MAP3K13: variants seen among roughly 807,000 people sequenced by gnomAD.
MAP3K13 encodes the protein leucine zipper-bearing kinase.
MAP3K13 carries 52 observed loss-of-function variants against 104.0 expected under a neutral mutation model. The observed-to-expected ratio is 0.50, with a 90% CI of 0.40 to 0.63. The LOEUF is 0.63. Among genes scored for constraint, MAP3K13 ranks in the 20% least tolerant of loss-of-function variants. The pLI, the probability that MAP3K13 is intolerant of heterozygous loss-of-function variation, is 0.00. For synonymous variants in MAP3K13, 394 were observed against 442.2 expected, an observed-to-expected ratio of 0.89 and a Z score of 1.37; for missense variants, 914 against 1,218.5, an observed-to-expected ratio of 0.75 and a Z score of 3.72.
intron 2 of MAP3K13, among the ~76,000 whole-genome samples, chr3:185,331,674 A>G (rs950045657): frequency 6.6e-6 from 1 of 152,066 alleles, no homozygotes; most frequent in South Asian, 2.1e-4. Context: ...AACCATAGGA[A>G]TTTTTTGAAT....
rs150660374 is a variant in MAP3K13 at position 185,323,159 on chromosome 3, C to G, written c.-86+37516C>G. The stretch of plus-strand genomic sequence containing the variant: ...CCTGTAGAAACTTTACCCACCTTCT[C>G]CTGATGTTAACATCTTACATAACTA... On this transcript the variant is annotated intron_variant, in intron 2 of 14. Transcript: ENST00000424227. Among the ~76,000 whole-genome samples, 553 of 152,296 alleles carry G rather than the reference C, an allele frequency of 3.6e-3. 3 individuals carry two copies. Among genetic ancestry groups the G allele is most frequent in the African/African-American group, 0.013 (539 of 41,556 alleles).
chr3:185,446,571 G>C (rs1176876618), intron 4 of MAP3K13, among the ~76,000 whole-genome samples: 2 of 152,196 alleles, frequency 1.3e-5, no homozygotes, highest in Non-Finnish European at 2.9e-5. Flanking sequence ...CATCTTCAAG[G>C]CTGGCAGAGA....
chr3:185,465,789 G>T lies in MAP3K13; in HGVS notation c.1431G>T (p.Glu477Asp). ...GTGAACACTATGAGCGGAAGCTTGA[G>T]CGGGCGAATAATTTATACATGGAAT... ...DIREHYERKL[E>D]RANNLYMELS... The change falls in exon 9 of 14, where the codon GAG becomes GAT. Residue 477 changes from glutamate (E) to aspartate (D), a missense_variant. By Grantham distance (45) the Glu-to-Asp change is conservative (BLOSUM62 2). Coordinates refer to ENST00000265026, the MANE Select transcript of MAP3K13 (RefSeq NM_004721.5). 6.2e-7 allele frequency: 1 copy of T among 1,614,156 alleles called. No individual in the cohort carries two copies.
At chr3:185,340,435 A>G (rs1722675880) in intron 2 of MAP3K13, among the ~76,000 whole-genome samples, 1 of 152,184 alleles carries the variant, frequency 6.6e-6, no homozygotes, top group African/African-American at 2.4e-5. Context: ...GGAAATGAGG[A>G]CAGAGAAGTT....
intron 7 of MAP3K13, among the ~76,000 whole-genome samples, chr3:185,454,955 T>TATATATGAGATATATATATG (rs1716330522): frequency 1.1e-5 from 1 of 89,552 alleles, no homozygotes; most frequent in Non-Finnish European, 2.1e-5. Context: ...ATATATATGA[T>TATATATGAGATATATATATG]ATATATATGA....
Position 185,428,781 on chromosome 3 carries a change from CAGTGTTGACG to C in MAP3K13, c.203_212del (p.Val68AlafsTer2). 1 of 1,614,148 alleles carries C rather than the reference CAGTGTTGACG, an allele frequency of 6.2e-7. No individual in the cohort carries two copies. On this transcript the variant is annotated frameshift_variant, in exon 2 of 14. Transcript: ENST00000265026. LOFTEE classifies it high-confidence loss of function. The stretch of plus-strand genomic sequence containing the variant: ...AGCGTGCACAGCCCCGTCACCACAA[CAGTGTTGACG>C]AGCGTAAGTGAGGATTCCAGGGACC...
chr3:185,438,291 GA>G (rs1228538595), intron 3 of MAP3K13, among the ~76,000 whole-genome samples: 8 of 126,166 alleles, frequency 6.3e-5, no homozygotes, highest in Admixed American at 3.5e-4. Context: ...GTGAGACCCT[GA>G]AAAAAAAAGG....
At position 185,286,732 on chromosome 3, in the gene MAP3K13, C is replaced by A. The variant is rs375069953; in HGVS notation, c.-86+1089C>A. On this transcript the variant is annotated intron_variant, in intron 2 of 14. Transcript: ENST00000424227. ...GAGCATACATTTATATACATACATA[C>A]AAAACTTCTTCAAACCAGTGTAAGG... 1.2e-4 allele frequency among the ~76,000 whole-genome samples: 18 copies of A among 152,186 alleles called. 1 individual carries two copies. Among genetic ancestry groups the A allele is most frequent in the African/African-American group, 4.1e-4 (17 of 41,534 alleles).
intron 1 of MAP3K13, among the ~76,000 whole-genome samples, chr3:185,284,998 G>A (rs377235864): frequency 6.6e-6 from 1 of 151,956 alleles, no homozygotes; most frequent in African/African-American, 2.4e-5. Context: ...ATGGGGTATA[G>A]TGGGGTAGGA....
chr3:185,348,903 G>A (rs972246167), intron 2 of MAP3K13, among the ~76,000 whole-genome samples: 1 of 151,770 alleles, frequency 6.6e-6, no homozygotes, highest in African/African-American at 2.4e-5. Flanking sequence ...GCAACAGAGC[G>A]AGACTCTGTC....
At position 185,326,553 on chromosome 3, in the gene MAP3K13, A is replaced by C. The variant is rs146126856; in HGVS notation, c.-86+40910A>C. 3.9e-3 allele frequency among the ~76,000 whole-genome samples: 587 copies of C among 152,254 alleles called. 1 individual carries two copies. Among genetic ancestry groups the C allele is most frequent in the Middle Eastern group, 0.017 (5 of 294 alleles). On this transcript the variant is annotated intron_variant, in intron 2 of 14. Transcript: ENST00000424227. ...TACTTTGTATGAGCTACATCACTTC[A>C]TCCTACCTAAAAAGTAGGTGAAATA...
At chr3:185,395,353 A>ATGTCTTTTTT (rs1560083056) in intron 1 of MAP3K13, among the ~76,000 whole-genome samples, 21 of 18,514 alleles carry the variant, frequency 1.1e-3, no homozygotes, top group African/African-American at 3.7e-3. Flanking sequence ...ATTCAATATT[A>ATGTCTTTTTT]TTTCTTTTTT....
At chr3:185,321,113 C>T (rs952450698) in intron 2 of MAP3K13, among the ~76,000 whole-genome samples, 24 of 150,798 alleles carry the variant, frequency 1.6e-4, no homozygotes, top group South Asian at 8.4e-4. Context: ...CACACATATG[C>T]GTGCACACAC....
intron 12 of MAP3K13, 67 bp downstream of exon 12, chr3:185,477,463 A>G: frequency 8.4e-7 from 1 of 1,185,324 alleles, no homozygotes; most frequent in Non-Finnish European, 1.3e-6. Flanking sequence ...AGTTTGCCAC[A>G]CCTGCTCTTC....
chr3:185,286,787 G>T (rs930525141), intron 2 of MAP3K13, among the ~76,000 whole-genome samples: 5 of 151,938 alleles, frequency 3.3e-5, no homozygotes, highest in African/African-American at 4.8e-5. Context: ...TGGGGAATGA[G>T]ACTAGAGGCC....
At chr3:185,393,050 T>C (rs1214827367) in intron 1 of MAP3K13, among the ~76,000 whole-genome samples, 1 of 151,736 alleles carries the variant, frequency 6.6e-6, no homozygotes, top group Non-Finnish European at 1.5e-5. Flanking sequence ...AGACTCCATC[T>C]CAAAAAAAAT....
intron 2 of MAP3K13, among the ~76,000 whole-genome samples, chr3:185,288,469 T>C (rs990880902): frequency 6.7e-6 from 1 of 150,320 alleles, no homozygotes; most frequent in Admixed American, 6.7e-5. Context: ...AGAATATATA[T>C]ATTCCAGAAA....
intron 7 of MAP3K13, among the ~76,000 whole-genome samples, chr3:185,451,961 G>T (rs1278894430): frequency 6.6e-6 from 1 of 151,796 alleles, no homozygotes; most frequent in East Asian, 1.9e-4. Flanking sequence ...CTGCTGAAGA[G>T]AAAAGAGAAA....
chr3:185,318,438 A>G (rs889200584), intron 2 of MAP3K13, among the ~76,000 whole-genome samples: 3 of 152,238 alleles, frequency 2.0e-5, no homozygotes, highest in Non-Finnish European at 2.9e-5. Flanking sequence ...AGGTCTAGAT[A>G]CACAGTGAAA....
Sources: gnomAD v4.1 joint callset for allele counts (sites outside exome capture counted in the v4.1 genomes callset) on GRCh38, gnomAD v4.1.1 for gene constraint, MANE v1.5 for transcripts, NCBI Gene and HGNC (gene_info 2026-07-23, HGNC 2026-07-21) for gene names.